NHSL1: variants seen among roughly 807,000 people sequenced by gnomAD.
NHSL1 encodes NHS like 1.
Under a neutral mutation model 95.0 loss-of-function variants are expected in NHSL1, and 48 were observed. That is an observed-to-expected ratio of 0.51 (90% CI 0.40 to 0.64). The LOEUF (loss-of-function observed/expected upper bound fraction) is 0.64. Ranked by LOEUF, NHSL1 falls within the 30% of genes least tolerant of loss-of-function variation. The pLI is 0.00. For missense variants in NHSL1, 1,971 were observed against 2,077.7 expected, an observed-to-expected ratio of 0.95 and a Z score of 1.00; for synonymous variants, 783 against 833.9, an observed-to-expected ratio of 0.94 and a Z score of 1.05.
upstream of NHSL1, among the ~76,000 whole-genome samples, chr6:138,503,627 T>A (rs1583317725): frequency 6.6e-6 from 1 of 152,138 alleles, no homozygotes; most frequent in Non-Finnish European, 1.5e-5. Context: ...GACTGTATGG[T>A]CCTCAAAACT....
chr6:138,593,754 A>G (rs1388969397), intron 1 of NHSL1, among the ~76,000 whole-genome samples: 1 of 152,230 alleles, frequency 6.6e-6, no homozygotes, highest in African/African-American at 2.4e-5. Context: ...AGATTATAGT[A>G]TTTAGCAACA....
chr6:138,588,297 T>A (rs550414102), intron 1 of NHSL1, among the ~76,000 whole-genome samples: 3 of 152,290 alleles, frequency 2.0e-5, no homozygotes, highest in Admixed American at 2.0e-4. Flanking sequence ...ACCCCGCCTC[T>A]ACTAAAAATA....
chr6:138,543,432 A>G (rs1214934231), intron 1 of NHSL1, among the ~76,000 whole-genome samples: 1 of 152,240 alleles, frequency 6.6e-6, no homozygotes, highest in Non-Finnish European at 1.5e-5. Context: ...CAAAAAGCTG[A>G]GCAGACCTGG....
At position 138,432,911 on chromosome 6, in the gene NHSL1, A is replaced by C; in HGVS notation, c.1434T>G (p.Ile478Met). ...GRHWNEGHAT[I>M]LSQDLDPHSP... Reference sequence around the variant, plus strand: ...AATGAGGGTCTAAGTCCTGTGAAAGAATGGTGGCATGGCCCTCATTCCAGT... The same window carrying C: ...AATGAGGGTCTAAGTCCTGTGAAAGCATGGTGGCATGGCCCTCATTCCAGT... The change falls in exon 6 of 8, where the codon ATT (isoleucine) becomes ATG (methionine). Residue 478 changes from isoleucine (I) to methionine (M), a missense_variant. This residue lies in a region of NHSL1 where 1,602 missense variants were observed against 1,654.5 expected (regional missense o/e 0.97). Transcript: ENST00000343505. The surrounding 1 kb of genome is among the most constrained non-coding windows in gnomAD (Gnocchi z 4.4). The C allele has an allele frequency of 6.4e-7, 1 of 1,551,640 alleles. No individual in the cohort carries two copies. The highest frequency in any genetic ancestry group is 1.2e-5 in the South Asian group (1 of 84,052).
Position 138,659,046 on chromosome 6 carries a change from C to CTT in NHSL1, c.96+33428_96+33429dup, listed in dbSNP as rs771033274. ...ATAACATGCTTGAGATGTGGACTAT[C>CTT]TTTTTTTTTTTTTTTTTTTTTGAGA... On this transcript the variant is annotated intron_variant, in intron 1 of 3. Transcript: ENST00000491526. Among the ~76,000 whole-genome samples, 269 of 117,792 alleles carry CTT rather than the reference C, an allele frequency of 2.3e-3. 2 individuals are homozygous for CTT. Among genetic ancestry groups the CTT allele is most frequent in the Non-Finnish European group, 2.9e-3 (163 of 56,584 alleles). 77.3% of individuals were successfully genotyped at this position (117,792 alleles called of 152,430 possible). A position where few individuals can be genotyped will look rare whatever the true frequency, so the allele number is the denominator to read the frequency against.
chr6:138,623,117 T>A (rs1401615554), intron 1 of NHSL1, among the ~76,000 whole-genome samples: 1 of 152,192 alleles, frequency 6.6e-6, no homozygotes, highest in East Asian at 1.9e-4. Context: ...CAATTTGGAT[T>A]TGCAAAATCA....
chr6:138,490,958 G>A (rs962211598), intron 2 of NHSL1, among the ~76,000 whole-genome samples: 2 of 152,184 alleles, frequency 1.3e-5, no homozygotes, highest in Non-Finnish European at 2.9e-5. Flanking sequence ...ATGTTAAACA[G>A]GTCGATGTGT....
chr6:138,464,990 G>A (rs1322565840), intron 3 of NHSL1, among the ~76,000 whole-genome samples: 2 of 150,540 alleles, frequency 1.3e-5, no homozygotes, highest in African/African-American at 2.5e-5. Context: ...TGGGATTACA[G>A]GCATGAGCCA....
At chr6:138,446,329 G>A (rs1164813167) in intron 4 of NHSL1, among the ~76,000 whole-genome samples, 2 of 152,092 alleles carry the variant, frequency 1.3e-5, no homozygotes, top group Admixed American at 6.6e-5. Context: ...GAGCCACCAC[G>A]CCCAGCCAAT....
intron 1 of NHSL1, among the ~76,000 whole-genome samples, chr6:138,680,361 C>T (rs1462560572): frequency 6.6e-6 from 1 of 152,148 alleles, no homozygotes; most frequent in Non-Finnish European, 1.5e-5. Context: ...TTAAAACCAA[C>T]CCAGTGAAAT....
chr6:138,567,828 G>T (rs1783676659), intron 1 of NHSL1, among the ~76,000 whole-genome samples: 1 of 152,144 alleles, frequency 6.6e-6, no homozygotes, highest in South Asian at 2.1e-4. Context: ...ATAAAGTCCA[G>T]AAGGAAAGGA....
intron 3 of NHSL1, among the ~76,000 whole-genome samples, chr6:138,456,676 G>A (rs1023046926): frequency 3.0e-4 from 45 of 152,118 alleles, no homozygotes; most frequent in African/African-American, 1.0e-3. Flanking sequence ...TTCCGATAAT[G>A]GCAGGTGGAA....
intron 3 of NHSL1, among the ~76,000 whole-genome samples, chr6:138,452,887 A>C (rs919564849): frequency 2.0e-5 from 3 of 152,042 alleles, no homozygotes; most frequent in African/African-American, 7.3e-5. Context: ...ATCCATGTAG[A>C]AGCACAGTTC....
intron 1 of NHSL1, among the ~76,000 whole-genome samples, chr6:138,635,340 G>C (rs1036304031): frequency 8.6e-5 from 13 of 152,042 alleles, no homozygotes; most frequent in African/African-American, 2.9e-4. Flanking sequence ...AATAAAATCA[G>C]ATATGAAAAA....
At chr6:138,608,168 A>C (rs1192850445) in intron 1 of NHSL1, among the ~76,000 whole-genome samples, 1 of 152,266 alleles carries the variant, frequency 6.6e-6, no homozygotes, top group Non-Finnish European at 1.5e-5. Flanking sequence ...GATAAATCTT[A>C]CTAAATGAAG....
intron 1 of NHSL1, among the ~76,000 whole-genome samples, chr6:138,625,040 ATAAT>A (rs1784717448): frequency 6.6e-6 from 1 of 152,312 alleles, no homozygotes; most frequent in African/African-American, 2.4e-5. Context: ...AACTGTATTA[ATAAT>A]TAAACTAAAA....
At chr6:138,466,033 C>T (rs1778345547) in intron 3 of NHSL1, among the ~76,000 whole-genome samples, 1 of 121,498 alleles carries the variant, frequency 8.2e-6, no homozygotes, top group Non-Finnish European at 1.7e-5. Context: ...CCCACATACA[C>T]TCCTTTTTGG....
chr6:138,677,512 C>T (rs1417298280), intron 1 of NHSL1, among the ~76,000 whole-genome samples: 1 of 152,156 alleles, frequency 6.6e-6, no homozygotes, highest in East Asian at 1.9e-4. Context: ...CTCAAAAGAA[C>T]AAACGGGTGC....
intron 2 of NHSL1, among the ~76,000 whole-genome samples, chr6:138,476,677 A>T (rs962023033): frequency 4.6e-5 from 7 of 151,916 alleles, no homozygotes; most frequent in Non-Finnish European, 1.0e-4. Context: ...AAAATACAAA[A>T]ATTAGCCGGG....
Sources: gnomAD v4.1 joint callset for allele counts (sites outside exome capture counted in the v4.1 genomes callset) on GRCh38, gnomAD v4.1.1 for gene constraint, gnomAD v4.1.1 regional missense constraint, Gnocchi (gnomAD v3.1) non-coding constraint, MANE v1.5 for transcripts, NCBI Gene and HGNC (gene_info 2026-07-23, HGNC 2026-07-21) for gene names.